OPCML: variants seen among roughly 807,000 people sequenced by gnomAD.
OPCML encodes the protein opioid binding protein/cell adhesion molecule like, also known as opioid-binding protein/cell adhesion molecule.
A neutral mutation model predicts 37.8 loss-of-function variants in OPCML; 13 were observed. That is an observed-to-expected ratio of 0.34 (90% CI 0.22 to 0.55). OPCML has a LOEUF of 0.55. Ranked by LOEUF, OPCML falls within the 20% of genes least tolerant of loss-of-function variation. OPCML has a pLI of 0.91. For synonymous variants in OPCML, 176 were observed against 168.8 expected, an observed-to-expected ratio of 1.04 and a Z score of -0.33; for missense variants, 341 against 435.6, an observed-to-expected ratio of 0.78 and a Z score of 1.93.
chr11:132,516,969 G>C (rs2096281408), intron 4 of OPCML, among the ~76,000 whole-genome samples: 1 of 152,114 alleles, frequency 6.6e-6, no homozygotes, highest in Non-Finnish European at 1.5e-5. Flanking sequence ...GGTGGAGACA[G>C]TGGGCTTGAA....
At chr11:132,875,700 G>A (rs1045607460) in intron 2 of OPCML, among the ~76,000 whole-genome samples, 10 of 151,914 alleles carry the variant, frequency 6.6e-5, no homozygotes, top group African/African-American at 2.4e-4. Flanking sequence ...ACGACCTCAG[G>A]GGCCCACCCG....
At chr11:133,469,767 T>G (rs1417166891) in intron 1 of OPCML, among the ~76,000 whole-genome samples, 1 of 152,080 alleles carries the variant, frequency 6.6e-6, no homozygotes, top group African/African-American at 2.4e-5. Context: ...CCGACTATTT[T>G]ATGAAAAACC....
chr11:133,524,150 T>C (rs1224967641), intron 1 of OPCML, among the ~76,000 whole-genome samples: 1 of 152,218 alleles, frequency 6.6e-6, no homozygotes, highest in Non-Finnish European at 1.5e-5. Context: ...GTTGAATAAA[T>C]AAATGTGCTT....
intron 2 of OPCML, among the ~76,000 whole-genome samples, chr11:132,734,197 C>G (rs1050156806): frequency 1.3e-5 from 2 of 152,158 alleles, no homozygotes; most frequent in Admixed American, 1.3e-4. Flanking sequence ...GATAAAGAAT[C>G]TTTGTGATAG....
At chr11:132,497,208 T>C (rs901308663) in intron 4 of OPCML, among the ~76,000 whole-genome samples, 3 of 151,870 alleles carry the variant, frequency 2.0e-5, no homozygotes, top group Admixed American at 6.6e-5. Context: ...CATAGACACA[T>C]GGCAAGGAAC....
chr11:133,486,020 T>C (rs1309624908), intron 1 of OPCML, among the ~76,000 whole-genome samples: 2 of 152,100 alleles, frequency 1.3e-5, no homozygotes, highest in Non-Finnish European at 2.9e-5. Context: ...ACAGAGAAAA[T>C]ATGTGTGTTA....
At chr11:132,484,826 C>A (rs1244381930) in intron 4 of OPCML, among the ~76,000 whole-genome samples, 4 of 152,056 alleles carry the variant, frequency 2.6e-5, no homozygotes, top group East Asian at 1.9e-4. Flanking sequence ...GAACAAAAAA[C>A]CAAACGCTGC....
chr11:132,451,308 G>A (rs973086022), intron 4 of OPCML, among the ~76,000 whole-genome samples: 5 of 150,436 alleles, frequency 3.3e-5, no homozygotes, highest in African/African-American at 4.9e-5. Context: ...GTTATTAATC[G>A]GGTATTAACT....
chr11:133,526,294 G>C (rs1347992525), intron 1 of OPCML, among the ~76,000 whole-genome samples: 8 of 152,200 alleles, frequency 5.3e-5, no homozygotes, highest in Non-Finnish European at 1.0e-4. Flanking sequence ...ACCAAGGCTG[G>C]GGGCTAGAGT....
At position 132,853,740 on chromosome 11, in the gene OPCML, C is replaced by T. The variant is rs80311176; in HGVS notation, c.146+89186G>A. On this transcript the variant is annotated intron_variant, in intron 2 of 7. Coordinates refer to ENST00000524381, the MANE Select transcript of OPCML (RefSeq NM_001012393.5). Reference sequence around the variant, plus strand: ...GTTTCTTTCACTTATTTTCAAGGTCCATCCATGTTCTAACATGTACAAGTA... The same window carrying T: ...GTTTCTTTCACTTATTTTCAAGGTCTATCCATGTTCTAACATGTACAAGTA... Among the ~76,000 whole-genome samples the T allele has an allele frequency of 7.6e-4, 116 of 152,266 alleles. No homozygotes were observed. In the East Asian group the frequency reaches 0.019, roughly 25 times the overall value.
At position 133,398,014 on chromosome 11, in the gene OPCML, A is replaced by G. The variant is rs1208432827; in HGVS notation, c.61+134250T>C. ...GATGGATTTAAGTTTATCCAAACCTATGCTCTCACCTAGTCCCTCTTGTCG... is the reference window on the plus strand; with the variant it reads ...GATGGATTTAAGTTTATCCAAACCTGTGCTCTCACCTAGTCCCTCTTGTCG... On this transcript the variant is annotated intron_variant, in intron 1 of 7. Coordinates refer to ENST00000524381, the MANE Select transcript of OPCML (RefSeq NM_001012393.5). Among the ~76,000 whole-genome samples, 6 of 152,162 alleles carry G rather than the reference A, an allele frequency of 3.9e-5. No individual in the cohort carries two copies. The South Asian group carries it at 6.2e-4, about 16-fold the overall frequency.
chr11:132,872,068 T>C (rs2136396341), intron 2 of OPCML, among the ~76,000 whole-genome samples: 1 of 152,360 alleles, frequency 6.6e-6, no homozygotes, highest in East Asian at 1.9e-4. Flanking sequence ...ATTATGTTGT[T>C]TTAAACTATT....
At chr11:133,189,522 C>A (rs938666611) in intron 1 of OPCML, among the ~76,000 whole-genome samples, 9 of 152,122 alleles carry the variant, frequency 5.9e-5, no homozygotes, top group African/African-American at 1.9e-4. Context: ...AATGTAGTAT[C>A]CATTGTTATA....
At chr11:133,218,322 TAC>T (rs1186599906) in intron 1 of OPCML, among the ~76,000 whole-genome samples, 2 of 152,072 alleles carry the variant, frequency 1.3e-5, no homozygotes, top group African/African-American at 2.4e-5. Context: ...AGAGGAGAAT[TAC>T]AGTTTGTGCT....
rs893294510 is a variant in OPCML, at chr11:133,082,158, C to T, written c.62-139148G>A. Among the ~76,000 whole-genome samples, 14 of 151,952 alleles carry T rather than the reference C, an allele frequency of 9.2e-5. No individual in the cohort carries two copies. In the East Asian group the frequency reaches 1.2e-3, roughly 13 times the overall value. On this transcript the variant is annotated intron_variant, in intron 1 of 7. Coordinates refer to ENST00000524381, the MANE Select transcript of OPCML (RefSeq NM_001012393.5). ...CCCCAGGCCAAGGGCAGGACAAGCC[C>T]GGGCCTGGGCCTCCGCCTCGGCTCC...
At chr11:133,190,346 T>A (rs1259263495) in intron 1 of OPCML, among the ~76,000 whole-genome samples, 1 of 152,226 alleles carries the variant, frequency 6.6e-6, no homozygotes, top group Non-Finnish European at 1.5e-5. Flanking sequence ...AGGGAATTGA[T>A]GCCTATCAAA....
chr11:133,491,068 A>G (rs1175485564), intron 1 of OPCML, among the ~76,000 whole-genome samples: 1 of 152,228 alleles, frequency 6.6e-6, no homozygotes, highest in Non-Finnish European at 1.5e-5. Context: ...TGAATGAGTG[A>G]GTGAATGAGA....
chr11:133,530,857 T>C (rs905595069), intron 1 of OPCML, among the ~76,000 whole-genome samples: 1 of 152,212 alleles, frequency 6.6e-6, no homozygotes, highest in Non-Finnish European at 1.5e-5. Context: ...ATTTTTCTGA[T>C]TTCACTTTGG....
intron 1 of OPCML, among the ~76,000 whole-genome samples, chr11:133,244,402 C>T (rs546333991): frequency 1.1e-4 from 17 of 152,130 alleles, no homozygotes; most frequent in Non-Finnish European, 2.2e-4. Flanking sequence ...GTATTGTTAA[C>T]TACTAATATT....
Sources: allele counts gnomAD v4.1 joint callset (sites outside exome capture counted in the v4.1 genomes callset), GRCh38; gene constraint gnomAD v4.1.1; transcripts MANE v1.5; gene names NCBI Gene and HGNC (gene_info 2026-07-23, HGNC 2026-07-21).